The following KLHL25 variants were observed in gnomAD, a reference collection of about 807,000 sequenced individuals.
KLHL25 encodes the protein kelch like family member 25, also known as kelch-like protein 25.
In KLHL25, 41 loss-of-function variants were observed where a neutral mutation model predicts 30.0. The ratio of observed to expected loss-of-function variants is 1.37; its 90% CI spans 1.07 to 1.78. The LOEUF is 1.78. KLHL25 is among the 40% of genes most tolerant of loss of function. KLHL25 has a pLI of 0.00. For missense variants in KLHL25, 971 were observed against 824.5 expected, an observed-to-expected ratio of 1.18 and a Z score of -2.18; for synonymous variants, 399 against 355.3, an observed-to-expected ratio of 1.12 and a Z score of -1.38.
rs760878286 is a variant in KLHL25 at position 85,768,907 on chromosome 15, C to A, written c.904G>T (p.Gly302Cys). ...ATCTTGTCACACATGAAGGTCTGGC[C>A]CCCCAGGATGAGTAGCGTGTGGCCC... ...KAGHTLLILGGQTFMCDKIYQ... is the reference protein window; with the variant it reads ...KAGHTLLILGCQTFMCDKIYQ... Residue 302 changes from glycine (G) to cysteine (C), a missense_variant, in exon 2 of 3, where the codon GGC becomes TGC. By Grantham distance (159) the Gly-to-Cys change is radical. Transcript: ENST00000337975. 3.7e-6 allele frequency: 6 copies of A among 1,613,206 alleles called. No homozygotes were observed. The highest frequency in any genetic ancestry group is 1.3e-5 in the African/African-American group (1 of 74,934).
chr15:85,768,440 G>A lies in KLHL25; in HGVS notation c.1371C>T (p.Asp457=), dbSNP rs1418089400. ...CATAGCACTGGACCTTGGACACCAT[G>A]TCCCGGTGGATGCTGGTTCCTCCGA... ...FVFGGTSIHR[D]MVSKVQCYDP... Residue 457 remains aspartate, a synonymous_variant, in exon 2 of 3, where the codon GAC becomes GAT. Coordinates refer to ENST00000337975, the MANE Select transcript of KLHL25 (RefSeq NM_022480.4). 1 of 1,613,358 alleles carries A rather than the reference G, an allele frequency of 6.2e-7. No individual in the cohort carries two copies. The highest frequency in any genetic ancestry group is 1.3e-5 in the African/African-American group (1 of 74,930).
chr15:85,761,139 A>G (rs539413485), intron 2 of KLHL25, 128 bp from the exon 3 acceptor site: 16 of 152,428 alleles, frequency 1.0e-4, no homozygotes, highest in Admixed American at 9.8e-4. Flanking sequence ...CAGATCCACC[A>G]TTCACCGGCA....
At chr15:85,778,298 G>A (rs1186192371) in intron 1 of KLHL25, among the ~76,000 whole-genome samples, 1 of 152,126 alleles carries the variant, frequency 6.6e-6, no homozygotes, top group African/African-American at 2.4e-5. Context: ...CCAGCTACAC[G>A]CCTTCACTCA....
intron 2 of KLHL25, among the ~76,000 whole-genome samples, chr15:85,767,492 T>C (rs553471705): frequency 1.3e-5 from 2 of 152,380 alleles, no homozygotes; most frequent in South Asian, 4.1e-4. Flanking sequence ...TCTCCTGGAC[T>C]CTGCCTTAGT....
intron 1 of KLHL25, among the ~76,000 whole-genome samples, chr15:85,793,975 C>CA (rs528757292): frequency 1.3e-5 from 2 of 152,082 alleles, no homozygotes; most frequent in Non-Finnish European, 2.9e-5. Flanking sequence ...AGCAGCAACA[C>CA]AAAAAAAGTA....
chr15:85,779,205 C>A (rs1046361790), intron 1 of KLHL25, among the ~76,000 whole-genome samples: 4 of 152,170 alleles, frequency 2.6e-5, no homozygotes, highest in African/African-American at 9.7e-5. Flanking sequence ...GCCCAGCGTC[C>A]TGTCTTTTTG....
intron 2 of KLHL25, chr15:85,761,628 T>G (rs971478056): frequency 6.6e-6 from 1 of 151,024 alleles, no homozygotes; most frequent in African/African-American, 2.4e-5. Context: ...ATGGGACTTC[T>G]CAGCCTCTAT....
intron 1 of KLHL25, among the ~76,000 whole-genome samples, chr15:85,780,437 A>T (rs1223290437): frequency 6.6e-6 from 1 of 152,168 alleles, no homozygotes; most frequent in African/African-American, 2.4e-5. Context: ...GGCCCTTTGC[A>T]AACAGATGCA....
Position 85,787,249 on chromosome 15 carries a change from C to A in KLHL25, c.-11+7517G>T, listed in dbSNP as rs562467074. ...ATCACCTGAGGTCAGGAGTTTGAGA[C>A]CAGCCTGGCCAACATGGAGAAACCC... On this transcript the variant is annotated intron_variant, in intron 1 of 2. Transcript: ENST00000337975. Among the ~76,000 whole-genome samples, 77 of 152,246 alleles carry A rather than the reference C, an allele frequency of 5.1e-4. No individual in the cohort carries two copies. The East Asian group carries it at 0.014, about 27-fold the overall frequency.
intron 1 of KLHL25, among the ~76,000 whole-genome samples, chr15:85,772,197 G>A (rs1295317909): frequency 6.6e-6 from 1 of 152,208 alleles, no homozygotes; most frequent in East Asian, 1.9e-4. Flanking sequence ...TGGGGGAAAC[G>A]TGGAGAGCCA....
At chr15:85,784,914 G>A (rs935625769) in intron 1 of KLHL25, among the ~76,000 whole-genome samples, 5 of 152,154 alleles carry the variant, frequency 3.3e-5, no homozygotes, top group Non-Finnish European at 5.9e-5. Context: ...AGCCTGTGAT[G>A]ATGTGTTATG....
Position 85,769,279 on chromosome 15 carries a change from T to C in KLHL25, c.532A>G (p.Thr178Ala). 1 of 1,613,916 alleles carries C rather than the reference T, an allele frequency of 6.2e-7. No individual in the cohort carries two copies. The change falls in exon 2 of 3, where the codon ACG becomes GCG. Residue 178 changes from threonine (T) to alanine (A), a missense_variant. Coordinates refer to ENST00000337975, the MANE Select transcript of KLHL25 (RefSeq NM_022480.4). ...SWRMCLVHFE[T>A]VRQSEDFNSL... The stretch of plus-strand genomic sequence containing the variant: ...TTGAAGTCCTCGCTCTGCCTCACCG[T>C]CTCAAAGTGCACCAGGCACATGCGC...
chr15:85,787,415 C>T (rs1379795703), intron 1 of KLHL25, among the ~76,000 whole-genome samples: 1 of 152,086 alleles, frequency 6.6e-6, no homozygotes, highest in Non-Finnish European at 1.5e-5. Flanking sequence ...CATTGCACTC[C>T]AGCCTGGGTG....
intron 2 of KLHL25, 173 bp from the exon 3 acceptor site, chr15:85,761,184 T>C (rs890822480): frequency 2.6e-5 from 4 of 152,260 alleles, no homozygotes; most frequent in African/African-American, 9.6e-5. Context: ...CCAGGCCTGC[T>C]TTCCCCACTG....
At chr15:85,777,298 G>A (rs964298950) in intron 1 of KLHL25, among the ~76,000 whole-genome samples, 2 of 152,222 alleles carry the variant, frequency 1.3e-5, no homozygotes, top group African/African-American at 4.8e-5. Context: ...CGCAGCCTCT[G>A]ACAGTGCATA....
Position 85,769,563 on chromosome 15 carries a change from C to T in KLHL25, c.248G>A (p.Arg83Gln), listed in dbSNP as rs760604471. 5.0e-6 allele frequency: 8 copies of T among 1,613,666 alleles called. No individual in the cohort carries two copies. The highest frequency in any genetic ancestry group is 4.5e-5 in the East Asian group (2 of 44,892). ...AMFSHGLRES[R>Q]DDTVNFQDNL... ...GTCCTGGAAGTTGACAGTGTCATCC[C>T]GGCTCTCCCGAAGGCCATGGCTGAA... Residue 83 changes from arginine (R) to glutamine (Q), a missense_variant, in exon 2 of 3, where the codon CGG becomes CAG. By Grantham distance (43) the Arg-to-Gln change is conservative. Transcript: ENST00000337975.
In KLHL25 at chr15:85,768,389, G is replaced by A. The variant is rs965723577; in HGVS notation, c.1422C>T (p.Ile474=). The A allele has an allele frequency of 1.9e-6, 3 of 1,613,734 alleles. No homozygotes were observed. The highest frequency in any genetic ancestry group is 2.5e-6 in the Non-Finnish European group (3 of 1,180,010). ...GCCAAGGCTGGGGGCACTCGGCCTT[G>A]ATCGTCCACCTGTTCTCCGAGGGGT... ...CYDPSENRWT[I]KAECPQPWRY... The change falls in exon 2 of 3, where the codon ATC becomes ATT. Residue 474 remains isoleucine (I), a synonymous_variant. Transcript: ENST00000337975.
At chr15:85,782,293 C>T (rs1461412413) in intron 1 of KLHL25, among the ~76,000 whole-genome samples, 1 of 152,080 alleles carries the variant, frequency 6.6e-6, no homozygotes, top group Non-Finnish European at 1.5e-5. Flanking sequence ...TGGGACCTTG[C>T]ATTGGGGTTT....
intron 1 of KLHL25, among the ~76,000 whole-genome samples, chr15:85,780,724 C>G (rs574982168): frequency 1.3e-5 from 2 of 152,330 alleles, no homozygotes; most frequent in East Asian, 1.9e-4. Flanking sequence ...TCTCAATTCC[C>G]AAAGCCCAAG....
Sources: gnomAD v4.1 joint callset for allele counts (sites outside exome capture counted in the v4.1 genomes callset) on GRCh38, gnomAD v4.1.1 for gene constraint, MANE v1.5 for transcripts, NCBI Gene and HGNC (gene_info 2026-07-23, HGNC 2026-07-21) for gene names.